Variants in NHS observed in about 807,000 individuals in gnomAD.
The protein encoded by NHS is NHS actin remodeling regulator.
A neutral mutation model predicts 72.5 loss-of-function variants in NHS; 5 were observed. That is an observed-to-expected ratio of 0.07 (90% confidence interval 0.04 to 0.14). The LOEUF (loss-of-function observed/expected upper bound fraction) is 0.14, where lower values mean the gene tolerates loss of function less well. Ranked by LOEUF, NHS falls within the 10% of genes least tolerant of loss-of-function variation. The pLI, the probability that NHS is intolerant of heterozygous loss-of-function variation, is 1.00. For synonymous variants in NHS, 464 were observed against 547.7 expected (o/e 0.85, Z 2.13); for missense variants, 1,072 against 1,355.7 (o/e 0.79, Z 3.29).
rs1413532923 is a variant in NHS, at chrX:17,468,258, T to TGA, written c.565+91936_565+91937insGA. Among the ~76,000 whole-genome samples, 677 of 111,378 alleles carry TGA rather than the reference T, an allele frequency of 6.1e-3. 2 individuals are homozygous for TGA. The highest frequency in any genetic ancestry group is 9.2e-3 in the Non-Finnish European group (491 of 53,100). On this transcript the variant is annotated intron_variant, in intron 1 of 8. Coordinates refer to ENST00000676302, the MANE Select transcript of NHS (RefSeq NM_001291867.2). Reference sequence around the variant, plus strand: ...GTCATCTAAAATAAAAAAAGAAAAGTTCCTTGCCATCGATCACAGTTTGTA... The same window carrying TGA: ...GTCATCTAAAATAAAAAAAGAAAAGTGATCCTTGCCATCGATCACAGTTTGTA...
intron 1 of NHS, among the ~76,000 whole-genome samples, chrX:17,562,468 G>A (rs774441857): frequency 8.6e-4 from 96 of 111,591 alleles, no homozygotes; most frequent in Middle Eastern, 4.7e-3. Context: ...TCAGTTATGG[G>A]AAAAAGCCAG....
At chrX:17,393,849 A>G (rs2064458475) in intron 1 of NHS, among the ~76,000 whole-genome samples, 2 of 111,598 alleles carry the variant, frequency 1.8e-5, no homozygotes, top group South Asian at 3.8e-4. Flanking sequence ...TCTGAGATGG[A>G]GCAACCCCAG....
intron 1 of NHS, among the ~76,000 whole-genome samples, chrX:17,552,022 C>G (rs1235628939): frequency 9.9e-6 from 1 of 101,192 alleles, no homozygotes; most frequent in African/African-American, 3.3e-5. Flanking sequence ...TATCATTCCT[C>G]TTTAAAGGGA....
chrX:17,635,372 G>A (rs186885107), intron 1 of NHS: 1 of 1,132,544 alleles, frequency 8.8e-7, no homozygotes, highest in African/African-American at 1.8e-5. Context: ...CCCTCCAGGG[G>A]GGAGTCCTAG....
intron 1 of NHS, among the ~76,000 whole-genome samples, chrX:17,474,061 C>A (rs1031653529): frequency 9.0e-6 from 1 of 111,445 alleles, no homozygotes; most frequent in Admixed American, 9.6e-5. Flanking sequence ...ATTGTTTCTG[C>A]TCCTCTCCCT....
intron 1 of NHS, among the ~76,000 whole-genome samples, chrX:17,566,172 G>C (rs1435108039): frequency 9.2e-6 from 1 of 109,034 alleles, no homozygotes; most frequent in African/African-American, 3.4e-5. Context: ...TTGTAGAGAC[G>C]GAATTTCACC....
chrX:17,391,818 C>A (rs975030803), intron 1 of NHS, among the ~76,000 whole-genome samples: 1 of 111,952 alleles, frequency 8.9e-6, no homozygotes, highest in African/African-American at 3.2e-5. Flanking sequence ...TGTAGAAATG[C>A]AAGCACCCAT....
chrX:17,572,307 CTT>C (rs1398481113), intron 1 of NHS, among the ~76,000 whole-genome samples: 2 of 109,935 alleles, frequency 1.8e-5, no homozygotes, highest in East Asian at 5.7e-4. Context: ...GTCTAAGTCT[CTT>C]TGTAGATCTC....
At chrX:17,688,029 T>C in intron 2 of NHS, 135 bp downstream of exon 2, 3 of 690,358 alleles carry the variant, frequency 4.3e-6, no homozygotes, top group Non-Finnish European at 6.4e-6. Context: ...GTTTCTACCC[T>C]GAAATGAAAT....
intron 1 of NHS, among the ~76,000 whole-genome samples, chrX:17,593,559 A>G (rs1361131682): frequency 9.0e-6 from 1 of 110,714 alleles, no homozygotes; most frequent in Non-Finnish European, 1.9e-5. Flanking sequence ...TCAAATCTCA[A>G]GGGATACCTA....
At chrX:17,486,899 C>T (rs1012604394) in intron 1 of NHS, among the ~76,000 whole-genome samples, 5 of 111,246 alleles carry the variant, frequency 4.5e-5, no homozygotes, top group African/African-American at 6.6e-5. Context: ...AGCAACCTAA[C>T]GGGGTAGGTG....
At chrX:17,440,258 TAAAAAAA>T (rs1036618487) in intron 1 of NHS, among the ~76,000 whole-genome samples, 7 of 37,288 alleles carry the variant, frequency 1.9e-4, no homozygotes, top group South Asian at 1.5e-3. Flanking sequence ...GACTCAGTCT[TAAAAAAA>T]AAAAAAAAAA....
At chrX:17,479,346 T>C (rs948657167) in intron 1 of NHS, among the ~76,000 whole-genome samples, 3 of 112,510 alleles carry the variant, frequency 2.7e-5, no homozygotes, top group African/African-American at 9.7e-5. Context: ...CTATTGTGAA[T>C]AGTGCTGCAA....
At chrX:17,461,619 A>G (rs1459061883) in intron 1 of NHS, among the ~76,000 whole-genome samples, 2 of 113,186 alleles carry the variant, frequency 1.8e-5, no homozygotes, top group Admixed American at 1.9e-4. Context: ...GTTAGACTCT[A>G]CAAGGCCTGT....
chrX:17,486,252 T>C (rs1241539664), intron 1 of NHS, among the ~76,000 whole-genome samples: 2 of 112,147 alleles, frequency 1.8e-5, no homozygotes, highest in Non-Finnish European at 3.8e-5. Context: ...AATGGAGTGA[T>C]TTTTAAGATT....
chrX:17,440,473 G>A (rs2064746707), intron 1 of NHS, among the ~76,000 whole-genome samples: 1 of 110,200 alleles, frequency 9.1e-6, no homozygotes, highest in Admixed American at 9.7e-5. Flanking sequence ...TCACAAGTCT[G>A]GGAGATTTTA....
chrX:17,561,900 G>A (rs1198872129), intron 1 of NHS, among the ~76,000 whole-genome samples: 1 of 109,607 alleles, frequency 9.1e-6, no homozygotes, highest in East Asian at 2.9e-4. Flanking sequence ...GTCTAATCTT[G>A]GAGGATGATA....
At chrX:17,538,639 G>A (rs777404361) in intron 1 of NHS, among the ~76,000 whole-genome samples, 27 of 111,611 alleles carry the variant, frequency 2.4e-4, no homozygotes, top group East Asian at 5.7e-4. Flanking sequence ...ATAGGTGTAC[G>A]GAGCAAGAAG....
At chrX:17,478,564 T>A (rs189929542) in intron 1 of NHS, among the ~76,000 whole-genome samples, 1 of 111,948 alleles carries the variant, frequency 8.9e-6, no homozygotes, top group East Asian at 2.8e-4. Context: ...TGCCTGTTTC[T>A]TTGATTCCCC....
Sources: gnomAD v4.1 joint callset for allele counts (sites outside exome capture counted in the v4.1 genomes callset) on GRCh38, gnomAD v4.1.1 for gene constraint, MANE v1.5 for transcripts, NCBI Gene and HGNC (gene_info 2026-07-23, HGNC 2026-07-21) for gene names.